FILIP1L: variants seen among roughly 807,000 people sequenced by gnomAD.
FILIP1L encodes the protein filamin A interacting protein 1 like.
FILIP1L carries 55 observed loss-of-function variants against 96.6 expected under a neutral mutation model. The ratio of observed to expected loss-of-function variants is 0.57; its 90% CI spans 0.46 to 0.71. FILIP1L has a LOEUF of 0.71. FILIP1L is among the 30% of genes least tolerant of loss of function. The pLI is 0.00. For missense variants in FILIP1L, 1,304 were observed against 1,321.2 expected (o/e 0.99, Z 0.20); for synonymous variants, 467 against 473.9 (o/e 0.99, Z 0.19).
intron 1 of FILIP1L, among the ~76,000 whole-genome samples, chr3:100,014,874 C>CTTTTTTTTTTTT (rs200759774): frequency 1.1e-3 from 32 of 28,188 alleles, no homozygotes; most frequent in Non-Finnish European, 1.6e-3. Flanking sequence ...TTTTTCTTTT[C>CTTTTTTTTTTTT]TTTTTTTTTT....
At chr3:99,988,763 C>T (rs1014071435) in intron 1 of FILIP1L, among the ~76,000 whole-genome samples, 1 of 152,104 alleles carries the variant, frequency 6.6e-6, no homozygotes, top group Non-Finnish European at 1.5e-5. Flanking sequence ...TTTACAGAAA[C>T]ATAGTATAAT....
intron 1 of FILIP1L, among the ~76,000 whole-genome samples, chr3:99,983,480 A>ATGTG (rs1559713756): frequency 4.0e-4 from 9 of 22,506 alleles, no homozygotes; most frequent in African/African-American, 1.1e-3. Flanking sequence ...ATATATATAT[A>ATGTG]TATATATATA....
At chr3:100,083,303 C>T (rs1474494519) in intron 1 of FILIP1L, among the ~76,000 whole-genome samples, 1 of 152,178 alleles carries the variant, frequency 6.6e-6, no homozygotes, top group Non-Finnish European at 1.5e-5. Context: ...TAGTTAATTG[C>T]CAAAGGATTA....
chr3:99,876,579 G>T (rs142051507), intron 4 of FILIP1L, among the ~76,000 whole-genome samples: 24 of 152,280 alleles, frequency 1.6e-4, no homozygotes, highest in African/African-American at 4.8e-4. Context: ...TTGGTTGCTG[G>T]GGGTAGGCGG....
At chr3:99,933,381 G>C (rs544294924) in intron 1 of FILIP1L, among the ~76,000 whole-genome samples, 1 of 152,102 alleles carries the variant, frequency 6.6e-6, no homozygotes, top group Non-Finnish European at 1.5e-5. Flanking sequence ...GGCATAGAAG[G>C]GATATTTTTG....
At chr3:99,878,564 G>C (rs1705617204) in intron 4 of FILIP1L, among the ~76,000 whole-genome samples, 1 of 152,216 alleles carries the variant, frequency 6.6e-6, no homozygotes, top group South Asian at 2.1e-4. Context: ...GGAGTGTTCA[G>C]ATTTAACTGA....
chr3:100,055,459 A>G (rs1425707346), intron 1 of FILIP1L, among the ~76,000 whole-genome samples: 5 of 152,218 alleles, frequency 3.3e-5, no homozygotes, highest in African/African-American at 1.2e-4. Flanking sequence ...TAATGCTAGA[A>G]AAAAACTGAT....
chr3:99,938,091 G>GCGCA (rs1491105137), intron 1 of FILIP1L, among the ~76,000 whole-genome samples: 38 of 150,348 alleles, frequency 2.5e-4, no homozygotes, highest in African/African-American at 9.0e-4. Flanking sequence ...GCGCGCGCGC[G>GCGCA]TGCATGCACA....
At chr3:99,942,840 C>A (rs1707891352) in intron 1 of FILIP1L, among the ~76,000 whole-genome samples, 2 of 150,608 alleles carry the variant, frequency 1.3e-5, no homozygotes, top group African/African-American at 2.4e-5. Context: ...AAAAAAAAAA[C>A]TGAAAAACAA....
chr3:100,017,547 C>T (rs1287796430), intron 1 of FILIP1L, among the ~76,000 whole-genome samples: 1 of 152,186 alleles, frequency 6.6e-6, no homozygotes, highest in Non-Finnish European at 1.5e-5. Context: ...TGTATATGTA[C>T]TTTGTGCTGT....
chr3:99,840,221 CTTTTTTTT>C (rs10935982), intron 5 of FILIP1L, among the ~76,000 whole-genome samples: 3 of 102,144 alleles, frequency 2.9e-5, no homozygotes, highest in Non-Finnish European at 5.6e-5. Context: ...TTCGTAGAAT[CTTTTTTTT>C]TTTTTTTTTT....
chr3:99,944,139 A>G (rs1282951647), intron 1 of FILIP1L, among the ~76,000 whole-genome samples: 8 of 152,190 alleles, frequency 5.3e-5, no homozygotes, highest in Admixed American at 5.2e-4. Context: ...CTCAGGCCCT[A>G]CCTCACCAAA....
At chr3:100,055,358 T>C (rs1478135320) in intron 1 of FILIP1L, among the ~76,000 whole-genome samples, 2 of 152,180 alleles carry the variant, frequency 1.3e-5, no homozygotes, top group African/African-American at 4.8e-5. Flanking sequence ...ATCCAGGCGA[T>C]AGAAAATCAA....
intron 4 of FILIP1L, among the ~76,000 whole-genome samples, chr3:99,912,807 G>A (rs1164378227): frequency 6.6e-6 from 1 of 152,192 alleles, no homozygotes; most frequent in Non-Finnish European, 1.5e-5. Flanking sequence ...TAATGCTGCT[G>A]TGAATATTTG....
chr3:99,950,037 C>T (rs1258411710), intron 1 of FILIP1L, among the ~76,000 whole-genome samples: 2 of 152,100 alleles, frequency 1.3e-5, no homozygotes, highest in Non-Finnish European at 1.5e-5. Context: ...GTATTTTTGG[C>T]TACCTGCTAA....
At chr3:100,026,978 A>T (rs2064935034) in intron 1 of FILIP1L, among the ~76,000 whole-genome samples, 1 of 151,970 alleles carries the variant, frequency 6.6e-6, no homozygotes, top group Non-Finnish European at 1.5e-5. Context: ...TCTGTTCCTC[A>T]CATATGCCAG....
intron 4 of FILIP1L, among the ~76,000 whole-genome samples, chr3:99,855,950 C>T (rs1158890193): frequency 2.0e-5 from 3 of 152,300 alleles, no homozygotes; most frequent in African/African-American, 7.2e-5. Flanking sequence ...TTCAACCTAA[C>T]GAAATCTGTA....
intron 1 of FILIP1L, among the ~76,000 whole-genome samples, chr3:99,967,453 T>A (rs548920470): frequency 1.0e-3 from 158 of 152,332 alleles, no homozygotes; most frequent in Admixed American, 2.3e-3. Flanking sequence ...TTTAATGCAT[T>A]GCAGGAAGAA....
intron 1 of FILIP1L, among the ~76,000 whole-genome samples, chr3:100,013,513 G>A (rs1054113978): frequency 6.6e-6 from 1 of 151,954 alleles, no homozygotes; most frequent in African/African-American, 2.4e-5. Context: ...CAAAGTGCTG[G>A]GATTACAGGC....
Sources: gnomAD v4.1 joint callset for allele counts (sites outside exome capture counted in the v4.1 genomes callset) on GRCh38, gnomAD v4.1.1 for gene constraint, MANE v1.5 for transcripts, NCBI Gene and HGNC (gene_info 2026-07-23, HGNC 2026-07-21) for gene names.